DCHS2: variants seen among roughly 807,000 people sequenced by gnomAD.
DCHS2 encodes the protein dachsous cadherin-related 2.
Under a neutral mutation model 182.4 loss-of-function variants are expected in DCHS2, and 142 were observed. The ratio of observed to expected loss-of-function variants is 0.78; its 90% CI spans 0.68 to 0.89. DCHS2 has a LOEUF of 0.89. Among genes scored for constraint, DCHS2 ranks in the 40% least tolerant of loss-of-function variants. DCHS2 has a pLI of 0.00. For missense variants in DCHS2, 4,319 were observed against 4,198.6 expected, an observed-to-expected ratio of 1.03 and a Z score of -0.79; for synonymous variants, 1,740 against 1,663.3, an observed-to-expected ratio of 1.05 and a Z score of -1.12.
chr4:154,465,936 A>G (rs1735221941), intron 1 of DCHS2, among the ~76,000 whole-genome samples: 1 of 152,362 alleles, frequency 6.6e-6, no homozygotes, highest in South Asian at 2.1e-4. Flanking sequence ...CAACAGATCC[A>G]TAAAGCTTCA....
intron 1 of DCHS2, among the ~76,000 whole-genome samples, chr4:154,480,858 G>T (rs1735892290): frequency 6.6e-6 from 1 of 151,850 alleles, no homozygotes; most frequent in African/African-American, 2.4e-5. Context: ...CAAACTCCTG[G>T]CCTCAAGCAC....
At chr4:154,418,362 A>T (rs1428145483) in intron 1 of DCHS2, among the ~76,000 whole-genome samples, 2 of 152,180 alleles carry the variant, frequency 1.3e-5, no homozygotes, top group Non-Finnish European at 2.9e-5. Context: ...AAAACAGGAC[A>T]CTACTTTTCA....
rs974003596 is a variant in DCHS2 at position 154,417,224 on chromosome 4, A to T, written c.2053-39780T>A. ...GTGTGTGAGAGAGAGAGAGAGAGAG[A>T]GAGAGAGAGAGAGAGAGAGAGAGAG... On this transcript the variant is annotated intron_variant, in intron 1 of 19. Transcript: ENST00000357232. Among the ~76,000 whole-genome samples the T allele has an allele frequency of 5.5e-4, 81 of 148,566 alleles. 1 individual carries two copies. The highest frequency in any genetic ancestry group is 9.1e-4 in the Non-Finnish European group (61 of 66,856).
chr4:154,246,549 A>C (rs913887233), intron 16 of DCHS2, among the ~76,000 whole-genome samples: 1 of 152,162 alleles, frequency 6.6e-6, no homozygotes, highest in African/African-American at 2.4e-5. Context: ...CAGCATGAAA[A>C]AGAGAGCTCA....
In DCHS2 at chr4:154,491,263, T is replaced by G. The variant is rs1034679238; in HGVS notation, c.93A>C (p.Thr31=). 2 of 1,550,870 alleles carry G rather than the reference T, an allele frequency of 1.3e-6. No homozygotes were observed. Among genetic ancestry groups the G allele is most frequent in the South Asian group, 2.4e-5 (2 of 83,998 alleles). ...KLLLLPGRRD[T]PHGRSGSSGA... The stretch of plus-strand genomic sequence containing the variant: ...CGCTGCTGCCTGACCGCCCATGGGG[T>G]GTATCTCTCCTCCCGGGGAGCAGAA... Residue 31 remains threonine (T), a synonymous_variant, in exon 1 of 20, where the codon ACA becomes ACC. Coordinates refer to ENST00000357232, the MANE Select transcript of DCHS2 (RefSeq NM_001358235.2).
At chr4:154,393,314 A>G (rs1394237956) in intron 1 of DCHS2, among the ~76,000 whole-genome samples, 1 of 152,160 alleles carries the variant, frequency 6.6e-6, no homozygotes, top group Non-Finnish European at 1.5e-5. Context: ...TCCCATTCAC[A>G]TGGCTCTTCA....
chr4:154,440,533 T>C (rs564582253), intron 1 of DCHS2, among the ~76,000 whole-genome samples: 9 of 152,314 alleles, frequency 5.9e-5, no homozygotes, highest in Non-Finnish European at 1.3e-4. Flanking sequence ...TATACATGTA[T>C]AGCTATTCAT....
intron 16 of DCHS2, among the ~76,000 whole-genome samples, chr4:154,243,351 T>C (rs556002933): frequency 6.6e-6 from 1 of 152,322 alleles, no homozygotes; most frequent in South Asian, 2.1e-4. Flanking sequence ...AAGTCCATGA[T>C]CTGAAAGAAT....
intron 1 of DCHS2, among the ~76,000 whole-genome samples, chr4:154,419,598 C>T (rs1470478002): frequency 6.0e-5 from 8 of 133,024 alleles, no homozygotes; most frequent in Admixed American, 8.6e-5. Flanking sequence ...TGCAGTGAGC[C>T]GAGATCACAC....
chr4:154,346,942 G>A (rs1336863562), intron 3 of DCHS2, among the ~76,000 whole-genome samples: 1 of 151,728 alleles, frequency 6.6e-6, no homozygotes, highest in African/African-American at 2.4e-5. Flanking sequence ...AGATTTGTAT[G>A]TATCTAACTC....
At chr4:154,303,764 C>A (rs1051582213) in intron 12 of DCHS2, among the ~76,000 whole-genome samples, 1 of 152,166 alleles carries the variant, frequency 6.6e-6, no homozygotes, top group Non-Finnish European at 1.5e-5. Context: ...TGTTCTTCCA[C>A]CTTCACCGCA....
At chr4:154,342,600 A>G (rs1729160410) in intron 3 of DCHS2, among the ~76,000 whole-genome samples, 1 of 152,146 alleles carries the variant, frequency 6.6e-6, no homozygotes, top group South Asian at 2.1e-4. Flanking sequence ...ATCTCAAGAA[A>G]CCATTTTCTT....
At chr4:154,320,357 A>G (rs1347388205) in intron 9 of DCHS2, 22 bp downstream of exon 9, 9 of 1,577,638 alleles carry the variant, frequency 5.7e-6, no homozygotes, top group Non-Finnish European at 7.7e-6. Context: ...TATTTTTAAA[A>G]GTGACATATA....
chr4:154,280,552 T>C (rs1734083017), intron 13 of DCHS2, among the ~76,000 whole-genome samples: 1 of 152,142 alleles, frequency 6.6e-6, no homozygotes, highest in Non-Finnish European at 1.5e-5. Context: ...GTCCCTGGGA[T>C]GCAAGAATTG....
Position 154,489,640 on chromosome 4 carries a change from A to G in DCHS2, c.1716T>C (p.Asp572=), listed in dbSNP as rs771150694. 4.1e-5 allele frequency: 64 copies of G among 1,551,488 alleles called. No individual in the cohort carries two copies. Among genetic ancestry groups the G allele is most frequent in the Non-Finnish European group, 4.9e-5 (56 of 1,146,934 alleles). Residue 572 remains aspartate, a synonymous_variant, in exon 1 of 20, where the codon GAT becomes GAC. Transcript: ENST00000357232. The stretch of plus-strand genomic sequence containing the variant: ...CTACAGTGTAGCGCAGCCAGGCGTG[A>G]TCACTGCCTGCCTCGTCGGCATCGG... ...SASDADEAGS[D]HAWLRYTVVQ... is the part of the protein sequence containing the mutation.
At chr4:154,252,395 A>G (rs944123900) in intron 16 of DCHS2, among the ~76,000 whole-genome samples, 2 of 152,070 alleles carry the variant, frequency 1.3e-5, no homozygotes, top group Non-Finnish European at 2.9e-5. Flanking sequence ...GACTATAGTT[A>G]CCCTTTTGTA....
intron 1 of DCHS2, among the ~76,000 whole-genome samples, chr4:154,461,086 T>C (rs1734991398): frequency 6.6e-6 from 1 of 152,142 alleles, no homozygotes. Context: ...CTCAGAAAAC[T>C]ACTTCCACCA....
chr4:154,482,095 C>T (rs1350831554), intron 1 of DCHS2, among the ~76,000 whole-genome samples: 1 of 152,166 alleles, frequency 6.6e-6, no homozygotes, highest in Non-Finnish European at 1.5e-5. Flanking sequence ...TCTTACTGTA[C>T]AGATATGGTA....
At chr4:154,421,373 G>GTTAAT (rs60585355) in intron 1 of DCHS2, among the ~76,000 whole-genome samples, 3,501 of 149,024 alleles carry the variant, frequency 0.023, 63 homozygotes, top group African/African-American at 0.045. Flanking sequence ...TCTCATCTGT[G>GTTAAT]TTAATTTAAT....
Sources: allele counts gnomAD v4.1 joint callset (sites outside exome capture counted in the v4.1 genomes callset), GRCh38; gene constraint gnomAD v4.1.1; transcripts MANE v1.5; gene names NCBI Gene and HGNC (gene_info 2026-07-23, HGNC 2026-07-21).